The following IL1RAPL1 variants were observed in gnomAD, a reference collection of about 807,000 sequenced individuals.
The protein encoded by IL1RAPL1 is interleukin 1 receptor accessory protein like 1.
IL1RAPL1 carries 3 observed loss-of-function variants against 48.4 expected under a neutral mutation model. The observed-to-expected ratio is 0.06, with a 90% CI of 0.03 to 0.16. IL1RAPL1 has a LOEUF of 0.16. Among genes scored for constraint, IL1RAPL1 ranks in the 10% least tolerant of loss-of-function variants. The probability of loss-of-function intolerance (pLI) is 1.00; values close to 1 mark genes in which losing one functional copy is unlikely to be tolerated. For missense variants in IL1RAPL1, 349 were observed against 530.6 expected (o/e 0.66, Z 3.36); for synonymous variants, 185 against 187.7 (o/e 0.99, Z 0.12).
chrX:28,728,910 A>C, intron 1 of IL1RAPL1, among the ~76,000 whole-genome samples: 1 of 111,257 alleles, frequency 9.0e-6, no homozygotes, highest in East Asian at 2.8e-4. Context: ...AAATATTTGG[A>C]TATTTGCTGC....
chrX:28,813,190 A>G (rs769471965), intron 2 of IL1RAPL1, among the ~76,000 whole-genome samples: 34 of 111,681 alleles, frequency 3.0e-4, no homozygotes, highest in Non-Finnish European at 5.7e-4. Context: ...ATGCAGCACT[A>G]TGAATTTCCC....
chrX:28,632,911 C>T (rs1424502645), intron 1 of IL1RAPL1, among the ~76,000 whole-genome samples: 4 of 73,322 alleles, frequency 5.5e-5, no homozygotes, highest in Admixed American at 1.9e-4. Flanking sequence ...TTTTTTTTGA[C>T]GGAGTCTCAC....
chrX:29,673,140 T>C (rs1296776309), intron 6 of IL1RAPL1, among the ~76,000 whole-genome samples: 1 of 112,338 alleles, frequency 8.9e-6, no homozygotes, highest in Admixed American at 9.4e-5. Flanking sequence ...CCATACATTT[T>C]ATTACAGATC....
At chrX:29,221,784 G>A (rs1930985447) in intron 2 of IL1RAPL1, among the ~76,000 whole-genome samples, 1 of 109,974 alleles carries the variant, frequency 9.1e-6, no homozygotes, top group Non-Finnish European at 1.9e-5. Context: ...AGGCCGAGGC[G>A]GGCGGATCAC....
intron 1 of IL1RAPL1, among the ~76,000 whole-genome samples, chrX:28,677,441 C>A (rs767646681): frequency 2.3e-4 from 26 of 111,832 alleles, no homozygotes; most frequent in Middle Eastern, 4.7e-3. Flanking sequence ...TGAATTGATT[C>A]GTATGTCTTT....
At chrX:29,182,104 GC>G (rs60572057) in intron 2 of IL1RAPL1, among the ~76,000 whole-genome samples, 33,763 of 106,679 alleles carry the variant, frequency 0.32, 4,161 homozygotes, top group East Asian at 0.54. Context: ...TTTTAGCCTT[GC>G]CCCCCCCCAC....
intron 2 of IL1RAPL1, among the ~76,000 whole-genome samples, chrX:28,853,326 C>T (rs765779589): frequency 9.0e-6 from 1 of 111,474 alleles, no homozygotes; most frequent in African/African-American, 3.3e-5. Flanking sequence ...CCTTTGAAAA[C>T]GACCTTTTCC....
At chrX:29,059,389 G>C (rs756508902) in intron 2 of IL1RAPL1, among the ~76,000 whole-genome samples, 2 of 111,853 alleles carry the variant, frequency 1.8e-5, no homozygotes, top group African/African-American at 6.5e-5. Context: ...TAGAATGGAA[G>C]TAAAACTAAT....
In IL1RAPL1 at chrX:28,736,818, G is replaced by C. The variant is rs567894243; in HGVS notation, c.-24-52502G>C. ...AGATTTGAGAGAATATTTTTATTTT[G>C]TTTTTCACTATTTTTTTTCCTTCAG... On this transcript the variant is annotated intron_variant, in intron 1 of 10. Coordinates refer to ENST00000378993, the MANE Select transcript of IL1RAPL1 (RefSeq NM_014271.4). Among the ~76,000 whole-genome samples the C allele has an allele frequency of 1.5e-4, 17 of 111,807 alleles. No homozygotes were observed. In the East Asian group the frequency reaches 3.1e-3, roughly 21 times the overall value.
At chrX:29,694,845 C>T (rs1341873488) in intron 6 of IL1RAPL1, among the ~76,000 whole-genome samples, 1 of 111,504 alleles carries the variant, frequency 9.0e-6, no homozygotes, top group Non-Finnish European at 1.9e-5. Flanking sequence ...AACAAACAGT[C>T]AGACCATAAC....
At chrX:29,100,835 G>A (rs1488320517) in intron 2 of IL1RAPL1, among the ~76,000 whole-genome samples, 2 of 111,834 alleles carry the variant, frequency 1.8e-5, no homozygotes, top group African/African-American at 6.5e-5. Context: ...GATAACTTAT[G>A]TAAATTGCTT....
At chrX:28,972,458 G>T (rs988312617) in intron 2 of IL1RAPL1, among the ~76,000 whole-genome samples, 1 of 111,673 alleles carries the variant, frequency 9.0e-6, no homozygotes, top group Non-Finnish European at 1.9e-5. Flanking sequence ...TGTGCTGTGG[G>T]TCGGGCGCGG....
intron 3 of IL1RAPL1, among the ~76,000 whole-genome samples, chrX:29,394,710 TGC>T (rs1355431389): frequency 8.9e-6 from 1 of 111,957 alleles, no homozygotes; most frequent in Non-Finnish European, 1.9e-5. Context: ...ACAGGGAATA[TGC>T]CTTATTCTAG....
intron 5 of IL1RAPL1, among the ~76,000 whole-genome samples, chrX:29,461,597 A>G (rs1934803633): frequency 9.0e-6 from 1 of 111,169 alleles, no homozygotes; most frequent in Non-Finnish European, 1.9e-5. Context: ...GTAGCCCAAA[A>G]CTGTAAACTC....
intron 5 of IL1RAPL1, among the ~76,000 whole-genome samples, chrX:29,587,206 C>T (rs144698705): frequency 2.9e-3 from 319 of 110,884 alleles, no homozygotes; most frequent in African/African-American, 9.8e-3. Flanking sequence ...TTTTGAGTGC[C>T]ATCTCAAAAC....
intron 3 of IL1RAPL1, among the ~76,000 whole-genome samples, chrX:29,333,429 G>C (rs1932914539): frequency 5.1e-5 from 5 of 97,951 alleles, no homozygotes; most frequent in Non-Finnish European, 1.1e-4. Context: ...CTCCCTCCCG[G>C]ACGGGGCGGC....
chrX:29,296,907 T>C (rs1236480274), intron 3 of IL1RAPL1, among the ~76,000 whole-genome samples: 2 of 112,167 alleles, frequency 1.8e-5, no homozygotes, highest in Non-Finnish European at 3.8e-5. Flanking sequence ...CCTAGATTTA[T>C]GTTGGTTTTA....
chrX:29,428,972 C>G (rs895463304), intron 5 of IL1RAPL1, among the ~76,000 whole-genome samples: 62 of 112,018 alleles, frequency 5.5e-4, no homozygotes, highest in African/African-American at 2.0e-3. Flanking sequence ...CACTATCCAA[C>G]CACACCATAT....
rs189348338 is a variant in IL1RAPL1, at chrX:29,536,700, A to G, written c.704-131730A>G. Among the ~76,000 whole-genome samples, 268 of 110,556 alleles carry G rather than the reference A, an allele frequency of 2.4e-3. 1 individual carries two copies. The highest frequency in any genetic ancestry group is 8.2e-3 in the African/African-American group (250 of 30,604). On this transcript the variant is annotated intron_variant, in intron 5 of 10. Coordinates refer to ENST00000378993, the MANE Select transcript of IL1RAPL1 (RefSeq NM_014271.4). ...ACTAAGCAATTTTGAAACAAATTTT[A>G]TTCAAGTTTCTTCAAGTAATAATAA...
Sources: gnomAD v4.1 joint callset for allele counts (sites outside exome capture counted in the v4.1 genomes callset) on GRCh38, gnomAD v4.1.1 for gene constraint, MANE v1.5 for transcripts, NCBI Gene and HGNC (gene_info 2026-07-23, HGNC 2026-07-21) for gene names.